Variants in SVIL observed in about 807,000 individuals in gnomAD.
SVIL encodes supervillin.
SVIL carries 101 observed loss-of-function variants against 240.4 expected under a neutral mutation model. The ratio of observed to expected loss-of-function variants is 0.42; its 90% CI spans 0.36 to 0.50. SVIL has a LOEUF of 0.50. Ranked by LOEUF, SVIL falls within the 20% of genes least tolerant of loss-of-function variation. The pLI, the probability that SVIL is intolerant of heterozygous loss-of-function variation, is 0.01. For synonymous variants in SVIL, 999 were observed against 1,100.0 expected (o/e 0.91, Z 1.82); for missense variants, 2,512 against 2,818.7 (o/e 0.89, Z 2.46).
intron 29 of SVIL, among the ~76,000 whole-genome samples, chr10:29,480,023 A>G (rs1171931623): frequency 2.6e-5 from 4 of 152,030 alleles, no homozygotes; most frequent in Non-Finnish European, 4.4e-5. Flanking sequence ...CATTTACTAC[A>G]CCAGACCCAC....
chr10:29,703,849 T>A (rs1044172183), intron 1 of SVIL, among the ~76,000 whole-genome samples: 3 of 152,136 alleles, frequency 2.0e-5, no homozygotes, highest in Non-Finnish European at 4.4e-5. Context: ...TCGCCCAGGC[T>A]GGGGTGCACT....
intron 1 of SVIL, among the ~76,000 whole-genome samples, chr10:29,724,772 G>A (rs1267659503): frequency 6.6e-6 from 1 of 151,922 alleles, no homozygotes; most frequent in East Asian, 1.9e-4. Flanking sequence ...CTGTAATCCC[G>A]GCACTTTGGG....
intron 29 of SVIL, 87 bp from the exon 30 acceptor site, chr10:29,474,076 C>T (rs997579451): frequency 5.9e-6 from 9 of 1,523,630 alleles, no homozygotes; most frequent in Non-Finnish European, 7.9e-6. Context: ...CCCGGGCCTG[C>T]AAGGACCAGT....
chr10:29,487,263 C>T lies in SVIL; in HGVS notation c.4385G>A (p.Arg1462Gln), dbSNP rs992975261. Residue 1462 changes from arginine to glutamine, a missense_variant, in exon 24 of 38, where the codon CGA becomes CAA. Physicochemically the swap from Arg to Gln is conservative, Grantham distance 43. This residue lies in a region of SVIL where 272 missense variants were observed against 406.8 expected (regional missense o/e 0.67). Coordinates refer to ENST00000355867, the MANE Select transcript of SVIL (RefSeq NM_021738.3). ...RHVQTRLVEP[R>Q]ASALNSGDCF... Reference sequence around the variant, plus strand: ...GTCCCCACTGTTGAGCGCCGAAGCTCGAGGTTCCACCAGCCTGGTCTGCAC... The same window carrying T: ...GTCCCCACTGTTGAGCGCCGAAGCTTGAGGTTCCACCAGCCTGGTCTGCAC... The T allele has an allele frequency of 6.8e-6, 11 of 1,614,138 alleles. No homozygotes were observed. The highest frequency in any genetic ancestry group is 1.3e-5 in the African/African-American group (1 of 75,040).
intron 1 of SVIL, among the ~76,000 whole-genome samples, chr10:29,573,981 C>G (rs1271905075): frequency 6.6e-6 from 1 of 152,180 alleles, no homozygotes; most frequent in African/African-American, 2.4e-5. Context: ...CAGGTGTGAG[C>G]CACCGCGCCC....
chr10:29,568,790 G>GATGC (rs1315775972), intron 2 of SVIL, among the ~76,000 whole-genome samples: 1 of 136,098 alleles, frequency 7.3e-6, no homozygotes, highest in African/African-American at 3.5e-5. Context: ...TGGATGGGTG[G>GATGC]ATGGATGGAT....
rs761362210 is a variant in SVIL, at chr10:29,473,519, C to T, written c.5529+319G>A. 4.6e-4 allele frequency: 165 copies of T among 355,720 alleles called. 2 individuals are homozygous for T. In the Middle Eastern group the frequency reaches 8.1e-3, roughly 17 times the overall value. The allele number at this position is 355,720 out of a possible 1,614,324, so 22.0% of individuals were successfully genotyped here. On this transcript the variant is annotated intron_variant, in intron 30 of 37. Coordinates refer to ENST00000355867, the MANE Select transcript of SVIL (RefSeq NM_021738.3). The stretch of plus-strand genomic sequence containing the variant: ...CTGTGAGAAGTGGATGATGGCATCT[C>T]TTTGTTTTACTTACAGTGCCTTGAT...
chr10:29,544,820 GA>G (rs530828494), intron 6 of SVIL, among the ~76,000 whole-genome samples: 3 of 139,426 alleles, frequency 2.2e-5, no homozygotes, highest in Admixed American at 7.1e-5. Context: ...AGGATGAAAT[GA>G]AAAAAAAGAG....
Position 29,569,278 on chromosome 10 carries a change from G to A in SVIL, c.-166C>T, listed in dbSNP as rs1955258625. 1.0e-6 allele frequency: 1 copy of A among 985,648 alleles called. No homozygotes were observed. Among genetic ancestry groups the A allele is most frequent in the Admixed American group, 6.2e-5 (1 of 16,254 alleles). 61.1% of individuals were successfully genotyped at this position (985,648 alleles called of 1,614,324 possible). A position where few individuals can be genotyped will look rare whatever the true frequency, so the allele number is the denominator to read the frequency against. On this transcript the variant is annotated 5_prime_UTR_variant, in exon 2 of 38. Coordinates refer to ENST00000355867, the MANE Select transcript of SVIL (RefSeq NM_021738.3). ...ACCTTGAAACTTTCCTTTGACGTGG[G>A]AATCCAAGGAAGCTTAAGTTTTTCT... is the stretch of plus-strand genomic sequence containing the variant.
intron 16 of SVIL, among the ~76,000 whole-genome samples, chr10:29,520,132 T>A (rs1279942261): frequency 6.6e-6 from 1 of 152,220 alleles, no homozygotes. Context: ...TAAGTCCAGA[T>A]GGACAGAATA....
At position 29,701,887 on chromosome 10, in the gene SVIL, C is replaced by G. The variant is rs1962537152; in HGVS notation, c.-399-15236G>C. On this transcript the variant is annotated intron_variant, in intron 1 of 35. Coordinates refer to the SVIL transcript ENST00000375400. ...TGGTGGCATGTTAAAAAGTAAAGAG[C>G]TATAGGCTGGGCGCGGTGGCTCACG... Among the ~76,000 whole-genome samples, 3 of 151,996 alleles carry G rather than the reference C, an allele frequency of 2.0e-5. No individual in the cohort carries two copies. The South Asian group carries it at 6.2e-4, about 31-fold the overall frequency.
At chr10:29,585,583 C>T (rs7913577) in intron 1 of SVIL, among the ~76,000 whole-genome samples, 22,495 of 152,138 alleles carry the variant, frequency 0.15, 1,730 homozygotes, top group Admixed American at 0.23. Context: ...ACGAGGACAC[C>T]GCTCCATGCT....
chr10:29,551,247 C>T lies in SVIL; in HGVS notation c.177G>A (p.Glu59=). The change falls in exon 6 of 38, where the codon GAG becomes GAA. Residue 59 remains glutamate (E), a synonymous_variant. Transcript: ENST00000355867. ...CTAGAGAAGAATCAGAAGTTTCCTC[C>T]TCTTCATTTGATCGGCCTACAAGAA... is the stretch of plus-strand genomic sequence containing the variant. ...ASPHIGRSNE[E]EETSDSSLEK... The T allele has an allele frequency of 1.9e-6, 3 of 1,598,314 alleles. No homozygotes were observed. Among genetic ancestry groups the T allele is most frequent in the Non-Finnish European group, 2.6e-6 (3 of 1,173,248 alleles).
At chr10:29,632,873 C>T (rs1004933546) in intron 1 of SVIL, among the ~76,000 whole-genome samples, 1 of 151,838 alleles carries the variant, frequency 6.6e-6, no homozygotes, top group African/African-American at 2.4e-5. Context: ...AGAGTATAGA[C>T]TCCAAAGTTT....
intron 2 of SVIL, 126 bp downstream of exon 2, chr10:29,569,129 T>A (rs1391080509): frequency 3.1e-6 from 1 of 326,918 alleles, no homozygotes; most frequent in Non-Finnish European, 4.4e-6. Flanking sequence ...TTTTAATAAA[T>A]CAAATTCTAG....
intron 36 of SVIL, among the ~76,000 whole-genome samples, chr10:29,459,510 C>A (rs1026822709): frequency 1.4e-4 from 22 of 152,232 alleles, no homozygotes; most frequent in Admixed American, 1.3e-3. Context: ...TAAAAAATAA[C>A]CTGAAAAGAA....
chr10:29,594,297 G>C (rs569331124), intron 1 of SVIL, among the ~76,000 whole-genome samples: 1 of 37,918 alleles, frequency 2.6e-5, no homozygotes, highest in African/African-American at 1.2e-4. Context: ...AACACTCCTA[G>C]GTCCCAACCA....
chr10:29,632,962 A>G (rs1958160522), intron 1 of SVIL, among the ~76,000 whole-genome samples: 1 of 152,144 alleles, frequency 6.6e-6, no homozygotes, highest in Non-Finnish European at 1.5e-5. Flanking sequence ...TGCCGGGTGC[A>G]GGGGCTCACG....
intron 17 of SVIL, among the ~76,000 whole-genome samples, chr10:29,501,801 C>T (rs879493485): frequency 1.5e-4 from 23 of 152,232 alleles, no homozygotes; most frequent in Non-Finnish European, 2.1e-4. Context: ...ACCAAGATGG[C>T]GCTTGGCTTC....
Sources: allele counts gnomAD v4.1 joint callset (sites outside exome capture counted in the v4.1 genomes callset), GRCh38; gene constraint gnomAD v4.1.1; regional missense constraint gnomAD v4.1.1; transcripts MANE v1.5; gene names NCBI Gene and HGNC (gene_info 2026-07-23, HGNC 2026-07-21).